CFAP91: variants seen among roughly 807,000 people sequenced by gnomAD.
CFAP91 encodes the protein cilia and flagella associated protein 91, also known as cilia- and flagella-associated protein 91.
Under a neutral mutation model 95.9 loss-of-function variants are expected in CFAP91, and 85 were observed. The observed-to-expected ratio is 0.89, with a 90% CI of 0.74 to 1.06. The LOEUF (loss-of-function observed/expected upper bound fraction) is 1.06. Among genes scored for constraint, CFAP91 ranks in the 50% least tolerant of loss-of-function variants. The pLI is 0.00. For synonymous variants in CFAP91, 335 were observed against 327.5 expected (o/e 1.02, Z -0.25); for missense variants, 962 against 943.4 (o/e 1.02, Z -0.26).
At chr3:119,739,736 A>G (rs2054081174) in intron 12 of CFAP91, among the ~76,000 whole-genome samples, 2 of 152,226 alleles carry the variant, frequency 1.3e-5, no homozygotes, top group African/African-American at 4.8e-5. Flanking sequence ...CAATCCCTAC[A>G]TTATAAATGA....
In CFAP91 at chr3:119,739,275, G is replaced by C. The variant is rs1327587928; in HGVS notation, c.1482G>C (p.Met494Ile). 6.2e-7 allele frequency: 1 copy of C among 1,614,114 alleles called. No individual in the cohort carries two copies. Among genetic ancestry groups the C allele is most frequent in the Admixed American group, 1.7e-5 (1 of 60,014 alleles). ...TTTAGGAAGAAGAAGAAATGGAAAT[G>C]GCTGTGATCTACCTTCAAAAGTTAC... ...MTSNEEEEME[M>I]AVIYLQKLLR... The change falls in exon 12 of 18, where the codon ATG becomes ATC. Residue 494 changes from methionine to isoleucine, a missense_variant. By Grantham distance (10) the Met-to-Ile change is conservative (BLOSUM62 1). Transcript: ENST00000273390.
chr3:119,715,951 C>G, intron 6 of CFAP91: 2 of 600,638 alleles, frequency 3.3e-6, no homozygotes, highest in Non-Finnish European at 5.9e-6. Flanking sequence ...TTATCGTACT[C>G]TATCTGTGAA....
At chr3:119,764,160 A>G (rs1019171558) in intron 17 of CFAP91, among the ~76,000 whole-genome samples, 1 of 152,112 alleles carries the variant, frequency 6.6e-6, no homozygotes, top group Non-Finnish European at 1.5e-5. Flanking sequence ...CAGTAAGTCA[A>G]AGTAAAATGG....
chr3:119,745,714 T>G (rs1413388796), intron 14 of CFAP91, among the ~76,000 whole-genome samples: 1 of 152,230 alleles, frequency 6.6e-6, no homozygotes, highest in African/African-American at 2.4e-5. Context: ...CTTTGTGCCT[T>G]GCACAACACA....
intron 11 of CFAP91, among the ~76,000 whole-genome samples, chr3:119,738,021 C>T (rs2054043208): frequency 6.6e-6 from 1 of 152,170 alleles, no homozygotes; most frequent in Admixed American, 6.5e-5. Context: ...TTAGAGATGC[C>T]ATGATGCAAA....
Position 119,709,855 on chromosome 3 carries a change from T to C in CFAP91, c.460T>C (p.Phe154Leu), listed in dbSNP as rs1032297898. The change falls in exon 5 of 18, where the codon TTT (phenylalanine) becomes CTT (leucine). Residue 154 changes from phenylalanine (F) to leucine (L), a missense_variant. By Grantham distance (22) the Phe-to-Leu change is conservative (BLOSUM62 0). Transcript: ENST00000273390. ...TCCTCCCAGGCCTTTTCTCCCATTT[T>C]TTCAGCAGATGCCATTCAATGTTGT... ...KYFERPFLPF[F>L]QQMPFNVVYA... 6.2e-7 allele frequency: 1 copy of C among 1,613,048 alleles called. No individual in the cohort carries two copies.
chr3:119,760,603 C>A (rs1441380298), intron 17 of CFAP91, among the ~76,000 whole-genome samples: 1 of 151,696 alleles, frequency 6.6e-6, no homozygotes, highest in East Asian at 1.9e-4. Context: ...CAAATACACA[C>A]AGAACATTCT....
intron 13 of CFAP91, among the ~76,000 whole-genome samples, chr3:119,742,850 C>T (rs1464517579): frequency 6.6e-6 from 1 of 152,114 alleles, no homozygotes; most frequent in Non-Finnish European, 1.5e-5. Flanking sequence ...CTGAGTATTC[C>T]CTCCTTTCAT....
At chr3:119,736,337 T>C (rs2054006161) in intron 10 of CFAP91, among the ~76,000 whole-genome samples, 1 of 144,876 alleles carries the variant, frequency 6.9e-6, no homozygotes, top group South Asian at 2.3e-4. Flanking sequence ...AGTGGTGCGA[T>C]CTCCGCTCAC....
At chr3:119,753,918 C>T (rs1316278454) in intron 17 of CFAP91, among the ~76,000 whole-genome samples, 1 of 152,214 alleles carries the variant, frequency 6.6e-6, no homozygotes, top group Admixed American at 6.5e-5. Context: ...GACTTCTATC[C>T]TCCAGAACTA....
chr3:119,718,617 GA>G (rs1171287167), intron 6 of CFAP91, among the ~76,000 whole-genome samples: 1 of 151,262 alleles, frequency 6.6e-6, no homozygotes, highest in Non-Finnish European at 1.5e-5. Context: ...AAAAGAGAAA[GA>G]AAAAGTGAAA....
chr3:119,748,189 A>T (rs2054260566), intron 16 of CFAP91, among the ~76,000 whole-genome samples: 2 of 152,112 alleles, frequency 1.3e-5, no homozygotes, highest in African/African-American at 2.4e-5. Flanking sequence ...TTTTTTATTT[A>T]TTTTTTTAAA....
At chr3:119,719,094 A>G (rs1199390934) in intron 6 of CFAP91, among the ~76,000 whole-genome samples, 2 of 152,218 alleles carry the variant, frequency 1.3e-5, no homozygotes, top group African/African-American at 4.8e-5. Flanking sequence ...ATGGAATTCT[A>G]TATAATAATG....
intron 8 of CFAP91, among the ~76,000 whole-genome samples, chr3:119,731,172 G>A (rs1254651708): frequency 6.6e-6 from 1 of 152,168 alleles, no homozygotes; most frequent in African/African-American, 2.4e-5. Context: ...AGGAGCTCAA[G>A]GCTACAGTGA....
intron 17 of CFAP91, among the ~76,000 whole-genome samples, chr3:119,756,513 G>T (rs2054432071): frequency 6.6e-6 from 1 of 152,118 alleles, no homozygotes; most frequent in Non-Finnish European, 1.5e-5. Context: ...TTAAGGACAG[G>T]TATGTGGATT....
At chr3:119,749,574 TC>T (rs1470496213) in intron 16 of CFAP91, among the ~76,000 whole-genome samples, 1 of 151,160 alleles carries the variant, frequency 6.6e-6, no homozygotes, top group African/African-American at 2.4e-5. Flanking sequence ...ATGTTGGGAG[TC>T]TGAGTTGAGG....
chr3:119,752,858 G>A (rs1393703153), intron 17 of CFAP91, among the ~76,000 whole-genome samples: 4 of 152,022 alleles, frequency 2.6e-5, no homozygotes, highest in Non-Finnish European at 5.9e-5. Context: ...TAGTTGTCAG[G>A]CTAACTACAG....
At position 119,744,022 on chromosome 3, in the gene CFAP91, A is replaced by G. The variant is rs2054172495; in HGVS notation, c.1728A>G (p.Leu576=). ...TGGCCGGACTGGAAGGAAGGGCACTAGCAGACATGTTTGACTTCCTGTCCA... is the reference window on the plus strand; with the variant it reads ...TGGCCGGACTGGAAGGAAGGGCACTGGCAGACATGTTTGACTTCCTGTCCA... ...NHLAGLEGRA[L]ADMFDFLSKE... is the part of the protein sequence containing the mutation. The change falls in exon 14 of 18, where the codon CTA becomes CTG. Residue 576 remains leucine, a synonymous_variant. Transcript: ENST00000273390. The G allele has an allele frequency of 1.9e-6, 3 of 1,614,110 alleles. No homozygotes were observed. Among genetic ancestry groups the G allele is most frequent in the East Asian group, 4.5e-5 (2 of 44,890 alleles).
At chr3:119,734,043 T>C (rs974880946) in intron 10 of CFAP91, among the ~76,000 whole-genome samples, 55 of 152,280 alleles carry the variant, frequency 3.6e-4, no homozygotes, top group African/African-American at 1.2e-3. Context: ...TGGTTCTCAT[T>C]CTTTCCTGTG....
Sources: gnomAD v4.1 joint callset for allele counts (sites outside exome capture counted in the v4.1 genomes callset) on GRCh38, gnomAD v4.1.1 for gene constraint, MANE v1.5 for transcripts, NCBI Gene and HGNC (gene_info 2026-07-23, HGNC 2026-07-21) for gene names.